The following ERBB4 variants were observed in gnomAD, a reference collection of about 807,000 sequenced individuals.
The protein encoded by ERBB4 is receptor tyrosine-protein kinase erbB-4.
In ERBB4, 42 loss-of-function variants were observed where a neutral mutation model predicts 158.0. The ratio of observed to expected loss-of-function variants is 0.27; its 90% CI spans 0.21 to 0.34. The LOEUF is 0.34. ERBB4 is among the 10% of genes least tolerant of loss of function. ERBB4 has a pLI of 1.00. For synonymous variants in ERBB4, 583 were observed against 558.7 expected, an observed-to-expected ratio of 1.04 and a Z score of -0.61; for missense variants, 1,333 against 1,624.1, an observed-to-expected ratio of 0.82 and a Z score of 3.08.
rs752277710 is a variant in ERBB4, at chr2:212,334,646, GTAT to G, written c.82+203800_82+203802del. Among the ~76,000 whole-genome samples, 53 of 152,018 alleles carry G rather than the reference GTAT, an allele frequency of 3.5e-4. 1 individual carries two copies. The highest frequency in any genetic ancestry group is 5.6e-4 in the Non-Finnish European group (38 of 67,884). ...ATCAAGCCAGGCCTTATTTTTATAAGTATTATATCAGTCTCATTCAGTGTACTG... is the reference window on the plus strand; with the variant it reads ...ATCAAGCCAGGCCTTATTTTTATAAGTATATCAGTCTCATTCAGTGTACTG... On this transcript the variant is annotated intron_variant, in intron 1 of 27. Transcript: ENST00000342788.
chr2:211,505,916 C>T (rs550155281), intron 20 of ERBB4, among the ~76,000 whole-genome samples: 7 of 145,852 alleles, frequency 4.8e-5, no homozygotes, highest in Admixed American at 4.3e-4. Flanking sequence ...GCCAAGATCG[C>T]ACCACTGCAC....
chr2:212,100,278 G>C (rs1427132355), intron 2 of ERBB4, among the ~76,000 whole-genome samples: 2 of 152,156 alleles, frequency 1.3e-5, no homozygotes, highest in African/African-American at 4.8e-5. Flanking sequence ...AAAGTGTAAG[G>C]ACAAGGTGAT....
rs193090760 is a variant in ERBB4 at position 212,259,724 on chromosome 2, A to G, written c.83-134821T>C. On this transcript the variant is annotated intron_variant, in intron 1 of 27. Coordinates refer to ENST00000342788, the MANE Select transcript of ERBB4 (RefSeq NM_005235.3). Reference sequence around the variant, plus strand: ...TACTATTCCTCTATTTTGAGTATTTATTTTTAAATGGTACGATTTCTACCG... The same window carrying G: ...TACTATTCCTCTATTTTGAGTATTTGTTTTTAAATGGTACGATTTCTACCG... 1.1e-4 allele frequency among the ~76,000 whole-genome samples: 16 copies of G among 152,226 alleles called. No individual in the cohort carries two copies. The East Asian group carries it at 3.1e-3, about 29-fold the overall frequency.
intron 3 of ERBB4, among the ~76,000 whole-genome samples, chr2:211,854,686 A>G (rs914613250): frequency 6.6e-6 from 1 of 152,144 alleles, no homozygotes; most frequent in African/African-American, 2.4e-5. Context: ...TCACGACTGT[A>G]TAGTATTCTA....
chr2:211,732,090 C>G (rs1250711175), intron 5 of ERBB4, among the ~76,000 whole-genome samples: 5 of 151,852 alleles, frequency 3.3e-5, no homozygotes. Flanking sequence ...TGCTCTAAGG[C>G]ACTCTCTTAT....
At chr2:212,255,801 G>T (rs542944033) in intron 1 of ERBB4, among the ~76,000 whole-genome samples, 8 of 151,948 alleles carry the variant, frequency 5.3e-5, no homozygotes, top group African/African-American at 1.9e-4. Flanking sequence ...CAAATCACTG[G>T]GTAGGTGCAC....
At chr2:211,884,701 C>T (rs2078749413) in intron 3 of ERBB4, among the ~76,000 whole-genome samples, 1 of 152,190 alleles carries the variant, frequency 6.6e-6, no homozygotes, top group African/African-American at 2.4e-5. Context: ...TCTGAGGTAA[C>T]AACCCCCATC....
intron 3 of ERBB4, among the ~76,000 whole-genome samples, chr2:211,857,165 GTGTGTGTGTGTT>G (rs1474619134): frequency 1.5e-3 from 222 of 151,710 alleles, no homozygotes; most frequent in African/African-American, 5.3e-3. Context: ...GTGTTTGTGT[GTGTGTGTGTGTT>G]TGTGTGTCTT....
chr2:212,191,991 T>G (rs141486719), intron 1 of ERBB4, among the ~76,000 whole-genome samples: 2 of 95,416 alleles, frequency 2.1e-5, no homozygotes, highest in African/African-American at 9.0e-5. Context: ...TGTTATATGT[T>G]ATATATGTTA....
intron 1 of ERBB4, among the ~76,000 whole-genome samples, chr2:212,235,825 T>A (rs1285845783): frequency 6.6e-6 from 1 of 152,246 alleles, no homozygotes; most frequent in Non-Finnish European, 1.5e-5. Context: ...TTTTGTATCC[T>A]GAGACTTTGC....
In ERBB4 at chr2:211,617,332, T is replaced by A. The variant is rs547319337; in HGVS notation, c.2301+1845A>T. Among the ~76,000 whole-genome samples the A allele has an allele frequency of 2.0e-4, 31 of 152,210 alleles. No individual in the cohort carries two copies. The South Asian group carries it at 3.5e-3, about 17-fold the overall frequency. ...TGTAATTTTCCTTTATAACTTCTACTTTTTAAAAAATTTCCCTTCACAAAT... is the reference window on the plus strand; with the variant it reads ...TGTAATTTTCCTTTATAACTTCTACATTTTAAAAAATTTCCCTTCACAAAT... On this transcript the variant is annotated intron_variant, in intron 19 of 27. Transcript: ENST00000342788.
intron 1 of ERBB4, among the ~76,000 whole-genome samples, chr2:212,148,620 C>T (rs372460727): frequency 6.6e-6 from 1 of 152,008 alleles, no homozygotes; most frequent in Non-Finnish European, 1.5e-5. Context: ...CTTAATACAT[C>T]AAAGATACCA....
intron 2 of ERBB4, among the ~76,000 whole-genome samples, chr2:212,033,909 T>C (rs2076957823): frequency 6.6e-6 from 1 of 151,958 alleles, no homozygotes; most frequent in Admixed American, 6.6e-5. Flanking sequence ...AGGAAAATAC[T>C]GAATGCCACA....
At chr2:211,880,323 A>G (rs1446660145) in intron 3 of ERBB4, among the ~76,000 whole-genome samples, 2 of 152,150 alleles carry the variant, frequency 1.3e-5, no homozygotes, top group East Asian at 1.9e-4. Flanking sequence ...ATTTACCACT[A>G]TGTGGTACGC....
intron 1 of ERBB4, among the ~76,000 whole-genome samples, chr2:212,464,892 TCACA>T (rs148243973): frequency 0.12 from 16,867 of 145,970 alleles, 993 homozygotes; most frequent in Non-Finnish European, 0.14. Flanking sequence ...AAGGGAAACA[TCACA>T]CACACACACA....
intron 1 of ERBB4, among the ~76,000 whole-genome samples, chr2:212,261,640 C>T (rs1230618363): frequency 6.6e-6 from 1 of 151,974 alleles, no homozygotes; most frequent in Non-Finnish European, 1.5e-5. Flanking sequence ...GATGATAATT[C>T]ATGAGGGATA....
At chr2:211,527,800 GGAT>G (rs1311521543) in intron 20 of ERBB4, among the ~76,000 whole-genome samples, 17 of 151,942 alleles carry the variant, frequency 1.1e-4, no homozygotes, top group African/African-American at 4.1e-4. Flanking sequence ...TAAAAATAAT[GGAT>G]GATAACAGGT....
intron 19 of ERBB4, among the ~76,000 whole-genome samples, chr2:211,562,769 C>CTT (rs367801279): frequency 0.042 from 5,254 of 125,552 alleles, 722 homozygotes; most frequent in African/African-American, 0.16. Context: ...ACTACTCCAA[C>CTT]TTTTTTTTTT....
intron 1 of ERBB4, among the ~76,000 whole-genome samples, chr2:212,411,693 T>C (rs369138263): frequency 1.3e-5 from 2 of 152,144 alleles, no homozygotes; most frequent in East Asian, 3.9e-4. Context: ...CCCTAGGTAG[T>C]TTTGTGATCT....
Sources: allele counts gnomAD v4.1 joint callset (sites outside exome capture counted in the v4.1 genomes callset), GRCh38; gene constraint gnomAD v4.1.1; transcripts MANE v1.5; gene names NCBI Gene and HGNC (gene_info 2026-07-23, HGNC 2026-07-21).